IQGAP3: variants seen among roughly 807,000 people sequenced by gnomAD.
IQGAP3 encodes the protein ras GTPase-activating-like protein IQGAP3.
IQGAP3 carries 165 observed loss-of-function variants against 208.2 expected under a neutral mutation model. The observed-to-expected ratio is 0.79, with a 90% CI of 0.70 to 0.90. The LOEUF (loss-of-function observed/expected upper bound fraction) is 0.90, where lower values mean the gene tolerates loss of function less well. Ranked by LOEUF, IQGAP3 falls within the 40% of genes least tolerant of loss-of-function variation. The pLI is 0.00. For missense variants in IQGAP3, 1,811 were observed against 2,043.1 expected (o/e 0.89, Z 2.19); for synonymous variants, 703 against 803.6 (o/e 0.87, Z 2.12).
rs1298372589 is a variant in IQGAP3 at position 156,548,603 on chromosome 1, G to A, written c.1971C>T (p.Ala657=). The part of the protein sequence containing the change: ...ANGYQRALES[A]MAKKQRPADT... ...TACCTGGACGCTGTTTCTTTGCCAT[G>A]GCACTTTCCAGGGCTCGCTGGTAGC... The change falls in exon 17 of 38, where the codon GCC becomes GCT. Residue 657 remains alanine, a synonymous_variant. Coordinates refer to ENST00000361170, the MANE Select transcript of IQGAP3 (RefSeq NM_178229.5). 1.9e-6 allele frequency: 3 copies of A among 1,604,232 alleles called. No individual in the cohort carries two copies. The South Asian group carries it at 3.3e-5, about 18-fold the overall frequency.
Position 156,563,640 on chromosome 1 carries a change from C to T in IQGAP3, c.532G>A (p.Glu178Lys), listed in dbSNP as rs200764066. The T allele has an allele frequency of 4.8e-5, 77 of 1,613,162 alleles. No homozygotes were observed. The highest frequency in any genetic ancestry group is 1.7e-4 in the Middle Eastern group (1 of 6,060). ...TAEELSNMAS[E>K]LAKYGLQLPA... ...AGCTGGAGGCCATATTTGGCCAGTT[C>T]GGACGCCATGTTGCTGAGTTCCTCA... The change falls in exon 7 of 38, where the codon GAA becomes AAA. Residue 178 changes from glutamate (E) to lysine (K), a missense_variant. Transcript: ENST00000361170.
Position 156,560,983 on chromosome 1 carries a change from G to A in IQGAP3, c.1080C>T (p.Val360=). 1.9e-6 allele frequency: 3 copies of A among 1,613,886 alleles called. No individual in the cohort carries two copies. The highest frequency in any genetic ancestry group is 2.5e-6 in the Non-Finnish European group (3 of 1,179,936). ...GLVELLEKEE[V]QAGVAAANTK... ...TGTTGGCTGCAGCCACACCAGCCTG[G>A]ACTTCCTCCTTTTCCAGAAGCTCCA... The change falls in exon 11 of 38, where the codon GTC becomes GTT. Residue 360 remains valine, a synonymous_variant. Coordinates refer to ENST00000361170, the MANE Select transcript of IQGAP3 (RefSeq NM_178229.5).
intron 11 of IQGAP3, among the ~76,000 whole-genome samples, chr1:156,559,633 G>A (rs142038513): frequency 1.5e-3 from 223 of 152,340 alleles, no homozygotes; most frequent in African/African-American, 5.1e-3. Context: ...GACAGCTCTG[G>A]AGAATGTTTT....
intron 27 of IQGAP3, 117 bp downstream of exon 27, chr1:156,537,064 G>A (rs1208036561): frequency 6.3e-6 from 7 of 1,115,814 alleles, no homozygotes; most frequent in Middle Eastern, 2.6e-4. Context: ...AGTACCCCTG[G>A]CTCCATCTCC....
At position 156,561,908 on chromosome 1, in the gene IQGAP3, C is replaced by G. The variant is rs188149873; in HGVS notation, c.971G>C (p.Arg324Pro). ...KALQDPALAL[R>P]GVRRDFADWY... Reference sequence around the variant, plus strand: ...GTCAGCAAAGTCTCTCCTCACCCCTCGCAGGGCCAGGGCAGGGTCTTGAAG... The same window carrying G: ...GTCAGCAAAGTCTCTCCTCACCCCTGGCAGGGCCAGGGCAGGGTCTTGAAG... Residue 324 changes from arginine (R) to proline (P), a missense_variant, in exon 10 of 38, where the codon CGA becomes CCA. Arg to Pro is a moderately radical substitution (Grantham distance 103, BLOSUM62 -2). Coordinates refer to ENST00000361170, the MANE Select transcript of IQGAP3 (RefSeq NM_178229.5). 9 of 1,613,856 alleles carry G rather than the reference C, an allele frequency of 5.6e-6. No individual in the cohort carries two copies. In the Admixed American group the frequency reaches 1.3e-4, roughly 24 times the overall value.
Position 156,556,635 on chromosome 1 carries a change from A to G in IQGAP3, c.1188T>C (p.Thr396=), listed in dbSNP as rs745496249. Residue 396 remains threonine, a synonymous_variant, in exon 12 of 38, where the codon ACT becomes ACC. Coordinates refer to ENST00000361170, the MANE Select transcript of IQGAP3 (RefSeq NM_178229.5). ...CCTCAGGGCACATCAGCTCCTTCAC[A>G]GTGTCAGCCGCCACTCTCCTCCGGA... ...KAIRRRVAAD[T]VKELMCPEAQ... 1 of 1,609,654 alleles carries G rather than the reference A, an allele frequency of 6.2e-7. No individual in the cohort carries two copies. The highest frequency in any genetic ancestry group is 8.5e-7 in the Non-Finnish European group (1 of 1,177,334).
chr1:156,548,767 G>A lies in IQGAP3; in HGVS notation c.1826-19C>T, dbSNP rs760293274. The A allele has an allele frequency of 1.9e-6, 3 of 1,540,862 alleles. No individual in the cohort carries two copies. On this transcript the variant is annotated intron_variant, in intron 16 of 37. Transcript: ENST00000361170. ...AGAGCCACTGACAGGGGCATCAGGA[G>A]AGAGCAGTCAATCCTTCCCCCGAGT...
At chr1:156,533,349 A>C (rs1557919075) in intron 31 of IQGAP3, among the ~76,000 whole-genome samples, 1 of 151,604 alleles carries the variant, frequency 6.6e-6, no homozygotes, top group African/African-American at 2.4e-5. Context: ...CCACCCCCAC[A>C]CCCTCAGCCC....
At position 156,533,061 on chromosome 1, in the gene IQGAP3, T is replaced by A. The variant is rs1180000708; in HGVS notation, c.4022A>T (p.Glu1341Val). 6.2e-7 allele frequency: 1 copy of A among 1,613,966 alleles called. No individual in the cohort carries two copies. The highest frequency in any genetic ancestry group is 2.2e-5 in the East Asian group (1 of 44,886). ...ADGHTDLSKLEVSLTLTNKFE... is the reference protein window; with the variant it reads ...ADGHTDLSKLVVSLTLTNKFE... Reference sequence around the variant, plus strand: ...CTTGTTGGTCAGCGTCAGGGACACTTCTAGCTTGCTCAGGTCCGTGTGCCC... The same window carrying A: ...CTTGTTGGTCAGCGTCAGGGACACTACTAGCTTGCTCAGGTCCGTGTGCCC... The change falls in exon 32 of 38, where the codon GAA becomes GTA. Residue 1341 changes from glutamate (E) to valine (V), a missense_variant. Transcript: ENST00000361170.
At chr1:156,545,592 T>C (rs1173563552) in intron 19 of IQGAP3, among the ~76,000 whole-genome samples, 1 of 151,534 alleles carries the variant, frequency 6.6e-6, no homozygotes, top group Admixed American at 6.6e-5. Flanking sequence ...GTCAACCTCC[T>C]GGGCTCAAGT....
intron 34 of IQGAP3, 55 bp downstream of exon 34, chr1:156,530,050 A>G: frequency 7.5e-7 from 1 of 1,338,962 alleles, no homozygotes; most frequent in Non-Finnish European, 1.0e-6. Flanking sequence ...ATGTATATGC[A>G]CGCACACACA....
At chr1:156,563,929 C>G in intron 5 of IQGAP3, 105 bp from the exon 6 acceptor site, 1 of 808,378 alleles carries the variant, frequency 1.2e-6, no homozygotes, top group Non-Finnish European at 2.0e-6. Flanking sequence ...GAGATGAAGA[C>G]CACTCAGCAC....
At chr1:156,556,431 G>T in intron 12 of IQGAP3, 102 bp downstream of exon 12, 1 of 1,102,700 alleles carries the variant, frequency 9.1e-7, no homozygotes, top group Non-Finnish European at 1.3e-6. Flanking sequence ...TCTCGTGCCA[G>T]CATCTCATAT....
intron 7 of IQGAP3, 117 bp downstream of exon 7, chr1:156,563,436 G>T: frequency 7.6e-7 from 1 of 1,317,694 alleles, no homozygotes; most frequent in Non-Finnish European, 1.0e-6. Flanking sequence ...AAACCAGGTA[G>T]CCTGATGGCC....
In IQGAP3 at chr1:156,548,165, G is replaced by A. The variant is rs778339580; in HGVS notation, c.2212C>T (p.Gln738Ter). 6.2e-7 allele frequency: 1 copy of A among 1,614,126 alleles called. No individual in the cohort carries two copies. The highest frequency in any genetic ancestry group is 1.1e-5 in the South Asian group (1 of 91,070). Residue 738 changes from glutamine to a stop codon, truncating the protein, a stop_gained, in exon 19 of 38, where the codon CAG becomes TAG. Transcript: ENST00000361170. LOFTEE classifies it high-confidence loss of function. ...ACTAGGAAGCCACGGAGGCGGGCCT[G>A]GAGCTGGATAACAAAGCCGACGTTG... ...KANVGFVIQLQARLRGFLVRQ... is the reference protein window; with the variant it reads ...KANVGFVIQL
chr1:156,549,495 A>C (rs1414366011), intron 16 of IQGAP3, among the ~76,000 whole-genome samples: 1 of 151,884 alleles, frequency 6.6e-6, no homozygotes, highest in African/African-American at 2.4e-5. Flanking sequence ...AAAGAAAAAA[A>C]AAATTAGCCA....
At chr1:156,542,474 G>C (rs1273734146) in intron 22 of IQGAP3, among the ~76,000 whole-genome samples, 1 of 152,238 alleles carries the variant, frequency 6.6e-6, no homozygotes, top group African/African-American at 2.4e-5. Flanking sequence ...ACAGGTGTGA[G>C]CCACCAGGCC....
chr1:156,546,837 C>T (rs186380780), intron 19 of IQGAP3, among the ~76,000 whole-genome samples: 59 of 152,324 alleles, frequency 3.9e-4, no homozygotes, highest in Admixed American at 1.8e-3. Flanking sequence ...TTTGCCAGTC[C>T]TGATCTGCAC....
rs757801551 is a variant in IQGAP3 at position 156,569,452 on chromosome 1, T to C, written c.49A>G (p.Thr17Ala). ...GPGWAAYERL[T>A]AEEMDEQRRQ... ...CTCTGCTCATCCATCTCCTCAGCTGTGAGGCGTTCATCTGAGGAGTTAAAC... is the reference window on the plus strand; with the variant it reads ...CTCTGCTCATCCATCTCCTCAGCTGCGAGGCGTTCATCTGAGGAGTTAAAC... Residue 17 changes from threonine (T) to alanine (A), a missense_variant, in exon 2 of 38, where the codon ACA becomes GCA. Transcript: ENST00000361170. 9.4e-6 allele frequency: 15 copies of C among 1,601,262 alleles called. No homozygotes were observed. In the East Asian group the frequency reaches 3.2e-4, roughly 34 times the overall value.
Sources: gnomAD v4.1 joint callset for allele counts (sites outside exome capture counted in the v4.1 genomes callset) on GRCh38, gnomAD v4.1.1 for gene constraint, MANE v1.5 for transcripts, NCBI Gene and HGNC (gene_info 2026-07-23, HGNC 2026-07-21) for gene names.